TACC3: variants seen among roughly 807,000 people sequenced by gnomAD.
TACC3 encodes the protein transforming acidic coiled-coil-containing protein 3.
In TACC3, 52 loss-of-function variants were observed where a neutral mutation model predicts 86.0. The observed-to-expected ratio is 0.60, with a 90% confidence interval of 0.48 to 0.76. The LOEUF (loss-of-function observed/expected upper bound fraction) is 0.76, where lower values mean the gene tolerates loss of function less well. Among genes scored for constraint, TACC3 ranks in the 30% least tolerant of loss-of-function variants. The probability of loss-of-function intolerance (pLI) is 0.00; values close to 1 mark genes in which losing one functional copy is unlikely to be tolerated. For missense variants in TACC3, 1,120 were observed against 1,070.4 expected (o/e 1.05, Z -0.65); for synonymous variants, 512 against 430.0 (o/e 1.19, Z -2.36).
intron 13 of TACC3, among the ~76,000 whole-genome samples, chr4:1,742,873 C>T (rs953211467): frequency 1.3e-5 from 2 of 148,942 alleles, no homozygotes; most frequent in African/African-American, 2.5e-5. Flanking sequence ...GAAACTGAGA[C>T]AGAAAATCAT....
chr4:1,736,891 CAG>C (rs1227890014), intron 8 of TACC3, among the ~76,000 whole-genome samples: 2 of 151,282 alleles, frequency 1.3e-5, no homozygotes, highest in Non-Finnish European at 2.9e-5. Flanking sequence ...ATCTGGGTGA[CAG>C]AGTGAGACCC....
intron 4 of TACC3, chr4:1,730,425 A>G (rs1018785300): frequency 7.2e-6 from 2 of 276,546 alleles, no homozygotes; most frequent in African/African-American, 2.2e-5. Context: ...ATATTCATAT[A>G]TAATCATATC....
chr4:1,725,210 G>A (rs906747423), intron 3 of TACC3, among the ~76,000 whole-genome samples: 1 of 150,944 alleles, frequency 6.6e-6, no homozygotes, highest in African/African-American at 2.4e-5. Flanking sequence ...GGGATTACAG[G>A]CATGAGCCAC....
intron 10 of TACC3, chr4:1,739,439 C>A (rs1438543616): frequency 1.8e-6 from 1 of 555,522 alleles, no homozygotes; most frequent in Non-Finnish European, 3.2e-6. Context: ...CAGGGACACA[C>A]ACCTGTTGGG....
rs753427761 is a variant in TACC3, at chr4:1,740,841, A to G, written c.2078A>G (p.Gln693Arg). Reference protein sequence around the residue: ...VYQAMEEVQKQKELSKAEIQK... With the variant: ...VYQAMEEVQKRKELSKAEIQK... ...TTTTCTCAAGAGGAAGTTCAGAAGCAGAAGGAACTTTCCAAAGCTGAAATC... is the reference window on the plus strand; with the variant it reads ...TTTTCTCAAGAGGAAGTTCAGAAGCGGAAGGAACTTTCCAAAGCTGAAATC... Residue 693 changes from glutamine (Q) to arginine (R), a missense_variant, in exon 13 of 16, where the codon CAG becomes CGG. Transcript: ENST00000313288. 8 of 1,607,950 alleles carry G rather than the reference A, an allele frequency of 5.0e-6. No homozygotes were observed. The highest frequency in any genetic ancestry group is 1.7e-4 in the Middle Eastern group (1 of 6,028).
At chr4:1,744,072 C>A (rs1577228397) in intron 13 of TACC3, among the ~76,000 whole-genome samples, 1 of 140,784 alleles carries the variant, frequency 7.1e-6, no homozygotes, top group African/African-American at 2.6e-5. Flanking sequence ...GCGGAAGGTG[C>A]CCCCAGAGGG....
intron 13 of TACC3, 67 bp downstream of exon 13, chr4:1,741,053 G>A: frequency 6.8e-7 from 1 of 1,465,634 alleles, no homozygotes; most frequent in South Asian, 1.3e-5. Flanking sequence ...AGCCAGCGGG[G>A]CTACAAGCTG....
chr4:1,735,134 C>G lies in TACC3; in HGVS notation c.1592-139C>G, dbSNP rs1253108711. ...CCTGCCGCAGACAGCAGTCAGGCCC[C>G]GAACATCCACACCTCCAAGGGAGGA... On this transcript the variant is annotated intron_variant, in intron 6 of 15. Transcript: ENST00000313288. The surrounding 1 kb of genome is among the most constrained non-coding windows in gnomAD (Gnocchi z 4.2). The G allele has an allele frequency of 6.5e-6, 8 of 1,230,632 alleles. No individual in the cohort carries two copies. The highest frequency in any genetic ancestry group is 9.2e-6 in the Non-Finnish European group (8 of 870,156). The allele number at this position is 1,230,632 out of a possible 1,614,324, so 76.2% of individuals were successfully genotyped here.
rs769018150 is a variant in TACC3 at position 1,739,953 on chromosome 4, C to T, written c.2019-6C>T. ...CAATGGCTGTGTGTCTGTTCTCCTC[C>T]CACAGGAAGATCATGGACAGGTTCG... On this transcript the variant is annotated splice_region_variant and splice_polypyrimidine_tract_variant and intron_variant, in intron 11 of 15. Coordinates refer to ENST00000313288, the MANE Select transcript of TACC3 (RefSeq NM_006342.3). The T allele has an allele frequency of 9.9e-6, 16 of 1,613,088 alleles. No individual in the cohort carries two copies. Among genetic ancestry groups the T allele is most frequent in the Admixed American group, 3.3e-5 (2 of 60,004 alleles).
Position 1,737,586 on chromosome 4 carries a change from C to T in TACC3, c.1837-12C>T. On this transcript the variant is annotated splice_polypyrimidine_tract_variant and intron_variant, in intron 9 of 15. Transcript: ENST00000313288. ...GCGAAATGGGTTCCTGTTTCATCCC[C>T]ATCTCCCGCAGGTGCCAGGCCCACC... The T allele has an allele frequency of 2.0e-6, 3 of 1,493,852 alleles. No individual in the cohort carries two copies. The highest frequency in any genetic ancestry group is 2.7e-6 in the Non-Finnish European group (3 of 1,116,356). 92.5% of individuals were successfully genotyped at this position (1,493,852 alleles called of 1,614,324 possible). A position where few individuals can be genotyped will look rare whatever the true frequency, so the allele number is the denominator to read the frequency against.
At chr4:1,733,664 A>G (rs1263817834) in intron 6 of TACC3, among the ~76,000 whole-genome samples, 1 of 151,910 alleles carries the variant, frequency 6.6e-6, no homozygotes, top group Non-Finnish European at 1.5e-5. Flanking sequence ...TGAAGGAAAG[A>G]AAAAAAAGGC....
intron 8 of TACC3, among the ~76,000 whole-genome samples, chr4:1,736,441 A>AAAAC: frequency 6.6e-6 from 1 of 151,466 alleles, no homozygotes. Context: ...AAAAAAAAAA[A>AAAAC]AAAACCAAAA....
intron 6 of TACC3, among the ~76,000 whole-genome samples, 171 bp downstream of exon 6, chr4:1,731,472 G>T (rs115730840): frequency 0.032 from 4,808 of 152,308 alleles, 252 homozygotes; most frequent in African/African-American, 0.11. Context: ...AACTTAGTCA[G>T]TGTTAGGAGA....
At chr4:1,738,292 G>A (rs1718392530) in intron 10 of TACC3, 1 of 229,962 alleles carries the variant, frequency 4.3e-6, no homozygotes, top group Admixed American at 5.2e-5. Flanking sequence ...TGGTTCCGGA[G>A]GCCGGCTGGC....
intron 10 of TACC3, among the ~76,000 whole-genome samples, chr4:1,739,175 G>A (rs1718436680): frequency 6.6e-6 from 1 of 152,248 alleles, no homozygotes; most frequent in South Asian, 2.1e-4. Flanking sequence ...GGGCGTGGTG[G>A]TGGGCACCTG....
At chr4:1,738,397 G>A (rs144750037) in intron 10 of TACC3, 87 of 160,176 alleles carry the variant, frequency 5.4e-4, no homozygotes, top group African/African-American at 1.8e-3. Context: ...CCCTGACCCC[G>A]TACCCCAACA....
At chr4:1,738,133 C>T (rs1459559748) in intron 10 of TACC3, 2 of 349,148 alleles carry the variant, frequency 5.7e-6, no homozygotes, top group East Asian at 1.5e-4. Context: ...CTCCCTCCAT[C>T]CTCACTGTAC....
chr4:1,724,258 C>T (rs1185634534), intron 3 of TACC3, among the ~76,000 whole-genome samples: 2 of 151,672 alleles, frequency 1.3e-5, no homozygotes, highest in Admixed American at 1.3e-4. Flanking sequence ...AGGTGTGAGC[C>T]ACCACGCCCG....
intron 4 of TACC3, among the ~76,000 whole-genome samples, chr4:1,729,330 A>G (rs917853777): frequency 2.6e-5 from 4 of 152,142 alleles, no homozygotes; most frequent in African/African-American, 4.8e-5. Context: ...GAGATTGTAC[A>G]AATAAAGACA....
Sources: gnomAD v4.1 joint callset for allele counts (sites outside exome capture counted in the v4.1 genomes callset) on GRCh38, gnomAD v4.1.1 for gene constraint, Gnocchi (gnomAD v3.1) non-coding constraint, MANE v1.5 for transcripts, NCBI Gene and HGNC (gene_info 2026-07-23, HGNC 2026-07-21) for gene names.